The following PPP2R2B variants were observed in gnomAD, a reference collection of about 807,000 sequenced individuals.
PPP2R2B encodes the protein serine/threonine-protein phosphatase 2A 55 kDa regulatory subunit B beta isoform.
A neutral mutation model predicts 46.0 loss-of-function variants in PPP2R2B; 5 were observed. The ratio of observed to expected loss-of-function variants is 0.11; its 90% CI spans 0.06 to 0.23. The LOEUF is 0.23. Among genes scored for constraint, PPP2R2B ranks in the 10% least tolerant of loss-of-function variants. The pLI, the probability that PPP2R2B is intolerant of heterozygous loss-of-function variation, is 1.00. For synonymous variants in PPP2R2B, 215 were observed against 206.7 expected, an observed-to-expected ratio of 1.04 and a Z score of -0.34; for missense variants, 367 against 575.0, an observed-to-expected ratio of 0.64 and a Z score of 3.70.
At chr5:146,850,831 T>C (rs1261405514) in intron 2 of PPP2R2B, among the ~76,000 whole-genome samples, 1 of 152,104 alleles carries the variant, frequency 6.6e-6, no homozygotes, top group Non-Finnish European at 1.5e-5. Context: ...TCTAACCCCA[T>C]AGCTGGTATA....
At chr5:147,042,318 CG>C (rs1756351769) in intron 1 of PPP2R2B, among the ~76,000 whole-genome samples, 3 of 152,074 alleles carry the variant, frequency 2.0e-5, no homozygotes, top group Non-Finnish European at 4.4e-5. Context: ...TCTTGGCTGC[CG>C]GCTAAACAAG....
intron 2 of PPP2R2B, among the ~76,000 whole-genome samples, chr5:146,846,837 T>C (rs1760042220): frequency 6.6e-6 from 1 of 152,236 alleles, no homozygotes; most frequent in Non-Finnish European, 1.5e-5. Flanking sequence ...CTGATTTTAA[T>C]GCTTATGACT....
intron 2 of PPP2R2B, among the ~76,000 whole-genome samples, chr5:146,757,829 A>G (rs879667555): frequency 6.6e-6 from 1 of 152,186 alleles, no homozygotes. Flanking sequence ...CTTTGCCCTG[A>G]CATCACCTTG....
intron 1 of PPP2R2B, chr5:146,919,952 T>C (rs1294757303): frequency 2.0e-5 from 3 of 147,292 alleles, no homozygotes; most frequent in African/African-American, 5.1e-5. Flanking sequence ...CTCTTAATAG[T>C]TGTGTAACTT....
chr5:146,803,663 T>C (rs1427777571), intron 2 of PPP2R2B, among the ~76,000 whole-genome samples: 1 of 152,108 alleles, frequency 6.6e-6, no homozygotes, highest in East Asian at 1.9e-4. Flanking sequence ...CCTAAAAATA[T>C]AAGGAAAGCT....
At chr5:146,884,445 G>A (rs1342990305) in intron 1 of PPP2R2B, among the ~76,000 whole-genome samples, 1 of 152,154 alleles carries the variant, frequency 6.6e-6, no homozygotes, top group Non-Finnish European at 1.5e-5. Context: ...ACCTAACAAC[G>A]TAGGAATGTT....
chr5:146,585,259 T>TACACACACACACACATACACACACACAC lies in PPP2R2B; in HGVS notation c.*4687_*4688insGTGTGTGTGTGTATGTGTGTGTGTGTGT, dbSNP rs369464745. On this transcript the variant is annotated 3_prime_UTR_variant, in exon 10 of 10. Transcript: ENST00000394411. ...GATCAGTAACTTCCATCTACATGCA[T>TACACACACACACACATACACACACACAC]ACACACACACACACACACACACACA... 1 of 129,902 alleles carries TACACACACACACACATACACACACACAC rather than the reference T, an allele frequency of 7.7e-6. No homozygotes were observed. The highest frequency in any genetic ancestry group is 3.1e-5 in the African/African-American group (1 of 32,302). 8.0% of individuals were successfully genotyped at this position (129,902 alleles called of 1,614,324 possible).
At chr5:146,744,895 C>A (rs574229316) in intron 2 of PPP2R2B, among the ~76,000 whole-genome samples, 1 of 152,218 alleles carries the variant, frequency 6.6e-6, no homozygotes, top group Non-Finnish European at 1.5e-5. Flanking sequence ...CTCAGGGCCT[C>A]TGGGGGTGGC....
At chr5:147,029,483 ATTTG>A (rs1580826833) in intron 1 of PPP2R2B, among the ~76,000 whole-genome samples, 1 of 152,044 alleles carries the variant, frequency 6.6e-6, no homozygotes, top group South Asian at 2.1e-4. Context: ...TATTCCATTG[ATTTG>A]TTTGTTTGTC....
At chr5:146,775,511 T>C (rs1380901075) in intron 2 of PPP2R2B, among the ~76,000 whole-genome samples, 1 of 152,152 alleles carries the variant, frequency 6.6e-6, no homozygotes, top group African/African-American at 2.4e-5. Flanking sequence ...ATAAAAGCCA[T>C]GTAGCCCCTA....
At chr5:146,793,002 G>A (rs1412366450) in intron 2 of PPP2R2B, among the ~76,000 whole-genome samples, 1 of 152,144 alleles carries the variant, frequency 6.6e-6, no homozygotes, top group Admixed American at 6.6e-5. Context: ...GGGGTCAGTG[G>A]TAAAAGTGGA....
intron 1 of PPP2R2B, among the ~76,000 whole-genome samples, chr5:147,031,977 T>C (rs1024266573): frequency 3.3e-5 from 5 of 152,146 alleles, no homozygotes; most frequent in Admixed American, 3.3e-4. Flanking sequence ...CCTCTAGACA[T>C]TGGCTTAGGC....
chr5:146,737,794 GC>G (rs1452651995), intron 2 of PPP2R2B, among the ~76,000 whole-genome samples: 1 of 149,464 alleles, frequency 6.7e-6, no homozygotes, highest in African/African-American at 2.5e-5. Context: ...GTTGTTGGAG[GC>G]CAGGTGTGGT....
chr5:146,720,202 G>T (rs2151192752), intron 2 of PPP2R2B, among the ~76,000 whole-genome samples: 1 of 152,328 alleles, frequency 6.6e-6, no homozygotes, highest in Admixed American at 6.5e-5. Flanking sequence ...CACAACGTTA[G>T]GTCATTTGTC....
intron 2 of PPP2R2B, among the ~76,000 whole-genome samples, chr5:146,828,672 C>T (rs1339593908): frequency 6.6e-6 from 1 of 152,114 alleles, no homozygotes; most frequent in Non-Finnish European, 1.5e-5. Flanking sequence ...TCTTTTTCCC[C>T]CCAACACAAA....
intron 2 of PPP2R2B, among the ~76,000 whole-genome samples, chr5:146,708,056 AT>A (rs1456734746): frequency 6.6e-6 from 1 of 152,160 alleles, no homozygotes; most frequent in Non-Finnish European, 1.5e-5. Flanking sequence ...CTTTTTAAAA[AT>A]TTAAAATTTA....
intron 7 of PPP2R2B, among the ~76,000 whole-genome samples, chr5:146,621,105 G>T: frequency 6.6e-6 from 1 of 152,256 alleles, no homozygotes; most frequent in East Asian, 1.9e-4. Flanking sequence ...GCCAAGCACT[G>T]CCTGGAGGGA....
chr5:147,074,801 T>C (rs1450260237), intron 2 of PPP2R2B, among the ~76,000 whole-genome samples: 1 of 152,182 alleles, frequency 6.6e-6, no homozygotes. Context: ...GACAGTCAAA[T>C]TGATGTTTTT....
At chr5:146,675,699 T>C (rs569155620) in intron 5 of PPP2R2B, among the ~76,000 whole-genome samples, 2 of 152,294 alleles carry the variant, frequency 1.3e-5, no homozygotes, top group South Asian at 4.1e-4. Flanking sequence ...GGCATTTGTC[T>C]TTGTCGTTCC....
Sources: allele counts gnomAD v4.1 joint callset (sites outside exome capture counted in the v4.1 genomes callset), GRCh38; gene constraint gnomAD v4.1.1; transcripts MANE v1.5; gene names NCBI Gene and HGNC (gene_info 2026-07-23, HGNC 2026-07-21).